The following ADAMTS9 variants were observed in gnomAD, a reference collection of about 807,000 sequenced individuals.
ADAMTS9 encodes ADAM metallopeptidase with thrombospondin type 1 motif 9, also known as A disintegrin and metalloproteinase with thrombospondin motifs 9.
ADAMTS9 carries 107 observed loss-of-function variants against 257.1 expected under a neutral mutation model. The ratio of observed to expected loss-of-function variants is 0.42; its 90% CI spans 0.36 to 0.49. The LOEUF (loss-of-function observed/expected upper bound fraction) is 0.49, where lower values mean the gene tolerates loss of function less well. Among genes scored for constraint, ADAMTS9 ranks in the 20% least tolerant of loss-of-function variants. The pLI is 0.03. For missense variants in ADAMTS9, 2,353 were observed against 2,469.1 expected (o/e 0.95, Z 1.00); for synonymous variants, 982 against 880.9 (o/e 1.11, Z -2.03).
At chr3:64,536,429 A>G (rs564361124) in intron 37 of ADAMTS9, among the ~76,000 whole-genome samples, 32 of 152,350 alleles carry the variant, frequency 2.1e-4, no homozygotes, top group African/African-American at 7.2e-4. Flanking sequence ...TGAGAGTTAT[A>G]CGTTTACTAG....
chr3:64,634,361 A>G (rs1444520844), intron 12 of ADAMTS9, among the ~76,000 whole-genome samples: 1 of 152,066 alleles, frequency 6.6e-6, no homozygotes, highest in Non-Finnish European at 1.5e-5. Flanking sequence ...TTGTTCCCTC[A>G]CACCTCCATT....
Position 64,622,253 on chromosome 3 carries a change from C to T in ADAMTS9, c.2631G>A (p.Gln877=), listed in dbSNP as rs766327099. The T allele has an allele frequency of 1.9e-6, 3 of 1,613,870 alleles. No homozygotes were observed. The highest frequency in any genetic ancestry group is 1.7e-6 in the Non-Finnish European group (2 of 1,179,942). The change falls in exon 18 of 40, where the codon CAG becomes CAA. Residue 877 remains glutamine, a synonymous_variant. Coordinates refer to ENST00000498707, the MANE Select transcript of ADAMTS9 (RefSeq NM_182920.2). Reference sequence around the variant, plus strand: ...GCCCATGACTGTTCCAGTAAAACTGCTGAGGTTTATCTTCAATTGGAATAT... The same window carrying T: ...GCCCATGACTGTTCCAGTAAAACTGTTGAGGTTTATCTTCAATTGGAATAT... ...SFNIPIEDKP[Q]QFYWNSHGPW...
chr3:64,620,726 C>T (rs534862768), intron 19 of ADAMTS9, among the ~76,000 whole-genome samples: 2 of 152,282 alleles, frequency 1.3e-5, no homozygotes, highest in East Asian at 1.9e-4. Flanking sequence ...GTGGTATACA[C>T]TCTCGGTAGA....
intron 8 of ADAMTS9, among the ~76,000 whole-genome samples, chr3:64,653,195 A>T (rs929083839): frequency 1.3e-5 from 2 of 152,196 alleles, no homozygotes; most frequent in African/African-American, 4.8e-5. Context: ...TACTTGATCA[A>T]GTCCCACCGC....
At chr3:64,525,756 G>A (rs1316451078) in intron 38 of ADAMTS9, among the ~76,000 whole-genome samples, 3 of 151,674 alleles carry the variant, frequency 2.0e-5, no homozygotes, top group Non-Finnish European at 4.4e-5. Flanking sequence ...GACCACAGGT[G>A]TGCACTACCA....
intron 9 of ADAMTS9, 126 bp downstream of exon 9, chr3:64,650,891 T>G: frequency 1.2e-6 from 1 of 814,726 alleles, no homozygotes; most frequent in Non-Finnish European, 1.8e-6. Context: ...TTTTGCCTTC[T>G]CCAAGGAATG....
At chr3:64,684,621 T>A (rs1390495915) in intron 2 of ADAMTS9, among the ~76,000 whole-genome samples, 2 of 152,050 alleles carry the variant, frequency 1.3e-5, no homozygotes, top group East Asian at 3.9e-4. Context: ...CTTTAAGATG[T>A]ATGAGGGCCC....
At chr3:64,595,025 G>A (rs148184462) in intron 27 of ADAMTS9, among the ~76,000 whole-genome samples, 3,418 of 152,200 alleles carry the variant, frequency 0.022, 233 homozygotes, top group East Asian at 0.21. Flanking sequence ...CTGAGCTCAT[G>A]ATCCTCCCAC....
intron 4 of ADAMTS9, among the ~76,000 whole-genome samples, chr3:64,657,655 T>G (rs1576168285): frequency 6.6e-6 from 1 of 152,012 alleles, no homozygotes; most frequent in East Asian, 1.9e-4. Flanking sequence ...TAAAAACTTT[T>G]TCTTTTAATG....
chr3:64,682,714 A>C (rs2107054636), intron 2 of ADAMTS9, among the ~76,000 whole-genome samples: 1 of 152,354 alleles, frequency 6.6e-6, no homozygotes, highest in African/African-American at 2.4e-5. Flanking sequence ...TAGAAATTCA[A>C]ATAATTGTGC....
At chr3:64,532,701 A>G (rs2082998137) in intron 38 of ADAMTS9, among the ~76,000 whole-genome samples, 1 of 151,968 alleles carries the variant, frequency 6.6e-6, no homozygotes, top group Non-Finnish European at 1.5e-5. Flanking sequence ...ATTATTGTAG[A>G]CCCTGTGTAT....
chr3:64,563,911 C>G (rs923164710), intron 29 of ADAMTS9, among the ~76,000 whole-genome samples: 1 of 152,196 alleles, frequency 6.6e-6, no homozygotes, highest in African/African-American at 2.4e-5. Context: ...TGTGCTATCT[C>G]AAGGGAGGCA....
chr3:64,577,820 G>A (rs939506401), intron 28 of ADAMTS9, among the ~76,000 whole-genome samples: 4 of 152,172 alleles, frequency 2.6e-5, no homozygotes, highest in African/African-American at 9.7e-5. Context: ...TCTGCCCCTT[G>A]GATCTTGTTC....
chr3:64,614,960 G>T, intron 21 of ADAMTS9: 1 of 166,144 alleles, frequency 6.0e-6, no homozygotes. Context: ...ACTTCATGTT[G>T]ACTTCAGATG....
At chr3:64,636,795 T>A (rs371713788) in intron 12 of ADAMTS9, among the ~76,000 whole-genome samples, 13 of 152,232 alleles carry the variant, frequency 8.5e-5, no homozygotes, top group African/African-American at 3.1e-4. Flanking sequence ...TGTTTCTTCG[T>A]ATATCAGTAA....
chr3:64,571,552 T>C (rs1057057929), intron 28 of ADAMTS9, among the ~76,000 whole-genome samples: 4 of 152,240 alleles, frequency 2.6e-5, no homozygotes, highest in Non-Finnish European at 5.9e-5. Context: ...GGACTAGCTG[T>C]AACCTACCCA....
intron 3 of ADAMTS9, among the ~76,000 whole-genome samples, chr3:64,676,808 G>A (rs1014161799): frequency 6.6e-6 from 1 of 152,176 alleles, no homozygotes; most frequent in Non-Finnish European, 1.5e-5. Context: ...GGGTCACAGA[G>A]TAGACAGTTC....
At chr3:64,644,145 G>A (rs1375661922) in intron 11 of ADAMTS9, among the ~76,000 whole-genome samples, 1 of 152,216 alleles carries the variant, frequency 6.6e-6, no homozygotes, top group Non-Finnish European at 1.5e-5. Flanking sequence ...CAATGATAAT[G>A]GCAAACATGT....
intron 31 of ADAMTS9, 87 bp downstream of exon 31, chr3:64,550,805 C>A: frequency 1.3e-6 from 2 of 1,528,912 alleles, no homozygotes; most frequent in South Asian, 1.2e-5. Context: ...AAGTCTCCCA[C>A]ATTCCTGCAC....
Sources: gnomAD v4.1 joint callset for allele counts (sites outside exome capture counted in the v4.1 genomes callset) on GRCh38, gnomAD v4.1.1 for gene constraint, MANE v1.5 for transcripts, NCBI Gene and HGNC (gene_info 2026-07-23, HGNC 2026-07-21) for gene names.